Variants in RTKN2 observed in about 807,000 individuals in gnomAD.
RTKN2 encodes the protein rhotekin-2.
Under a neutral mutation model 71.5 loss-of-function variants are expected in RTKN2, and 69 were observed. The ratio of observed to expected loss-of-function variants is 0.96; its 90% CI spans 0.79 to 1.18. The LOEUF (loss-of-function observed/expected upper bound fraction) is 1.18. RTKN2 is among the 50% of genes most tolerant of loss of function. The pLI is 0.00. For missense variants in RTKN2, 724 were observed against 719.7 expected (o/e 1.01, Z -0.07); for synonymous variants, 236 against 236.5 (o/e 1.00, Z 0.02).
chr10:62,212,240 G>A (rs1841677465), intron 9 of RTKN2, among the ~76,000 whole-genome samples: 1 of 151,848 alleles, frequency 6.6e-6, no homozygotes, highest in African/African-American at 2.4e-5. Context: ...ATGGTGGTAG[G>A]TGCCTATAAT....
Position 62,262,779 on chromosome 10 carries a change from G to T in RTKN2, c.103C>A (p.Arg35=), listed in dbSNP as rs201666339. The T allele has an allele frequency of 5.6e-6, 9 of 1,610,150 alleles. No individual in the cohort carries two copies. The Admixed American group carries it at 1.2e-4, about 21-fold the overall frequency. ...GAAAGGAGTTTCCATATTCCTTCTCGCATTCGAATTTCTAAGTCTATTTTT... is the reference window on the plus strand; with the variant it reads ...GAAAGGAGTTTCCATATTCCTTCTCTCATTCGAATTTCTAAGTCTATTTTT... The part of the protein sequence containing the change: ...QEKIDLEIRM[R]EGIWKLLSLS... The change falls in exon 2 of 12, where the codon CGA becomes AGA. Residue 35 remains arginine, a synonymous_variant. Transcript: ENST00000373789.
chr10:62,249,482 GT>G (rs1229010828), intron 2 of RTKN2, among the ~76,000 whole-genome samples: 4 of 151,414 alleles, frequency 2.6e-5, no homozygotes, highest in Admixed American at 6.6e-5. Context: ...GGGGTGGGGC[GT>G]CTACTTTGTT....
rs1207933212 is a variant in RTKN2 at position 62,196,443 on chromosome 10, G to C, written c.*1465C>G. On this transcript the variant is annotated 3_prime_UTR_variant, in exon 12 of 12. Transcript: ENST00000373789. ...GATTCAATTCTTACTAGGAGTCCTG[G>C]GCAAACACAAAAGTGTCCTGGCAGT... The C allele has an allele frequency of 1.0e-6, 1 of 985,098 alleles. No homozygotes were observed. Among genetic ancestry groups the C allele is most frequent in the African/African-American group, 1.7e-5 (1 of 57,170 alleles). 61.0% of individuals were successfully genotyped at this position (985,098 alleles called of 1,614,324 possible).
At chr10:62,184,085 C>T in exon 9 of RTKN2, 1 of 416,696 alleles carries the variant, frequency 2.4e-6, no homozygotes, top group East Asian at 3.9e-5. Flanking sequence ...GTCCAAATAG[C>T]AGACACCTGG....
chr10:62,245,859 A>G (rs956888073), intron 3 of RTKN2, 140 bp downstream of exon 3: 1 of 597,674 alleles, frequency 1.7e-6, no homozygotes, highest in Non-Finnish European at 3.0e-6. Flanking sequence ...AATGCTAAAA[A>G]CAGTGTTTTA....
rs749585158 is a variant in RTKN2, at chr10:62,241,214, G to C, written c.317-19C>G. The C allele has an allele frequency of 1.3e-6, 2 of 1,487,276 alleles. No homozygotes were observed. Among genetic ancestry groups the C allele is most frequent in the South Asian group, 2.4e-5 (2 of 84,874 alleles). The allele number at this position is 1,487,276 out of a possible 1,614,324, so 92.1% of individuals were successfully genotyped here. Reference sequence around the variant, plus strand: ...CGAATATCTATAAAGAAGGGAAAAAGAAATGACAAGTAATAATTTTGGTAA... The same window carrying C: ...CGAATATCTATAAAGAAGGGAAAAACAAATGACAAGTAATAATTTTGGTAA... On this transcript the variant is annotated intron_variant, in intron 3 of 11. Coordinates refer to ENST00000373789, the MANE Select transcript of RTKN2 (RefSeq NM_145307.4).
At chr10:62,256,791 A>G (rs1237904977) in intron 2 of RTKN2, among the ~76,000 whole-genome samples, 1 of 152,146 alleles carries the variant, frequency 6.6e-6, no homozygotes, top group Non-Finnish European at 1.5e-5. Context: ...GAGAATATAC[A>G]TGATGTTGAT....
At chr10:62,200,812 C>T (rs1378783676) in intron 10 of RTKN2, among the ~76,000 whole-genome samples, 1 of 151,768 alleles carries the variant, frequency 6.6e-6, no homozygotes, top group Admixed American at 6.6e-5. Context: ...TCATATCACC[C>T]AATAAAATTC....
Position 62,268,659 on chromosome 10 carries a change from T to G in RTKN2, c.-49A>C. 6.5e-7 allele frequency: 1 copy of G among 1,533,616 alleles called. No homozygotes were observed. The highest frequency in any genetic ancestry group is 8.8e-7 in the Non-Finnish European group (1 of 1,134,844). On this transcript the variant is annotated 5_prime_UTR_variant, in exon 1 of 12. Coordinates refer to ENST00000373789, the MANE Select transcript of RTKN2 (RefSeq NM_145307.4). ...GTCGCCACTCCTTCAAAGGGAAGAT[T>G]TGAAAAGCCCGCCCCTGGCAGGAGC... is the stretch of plus-strand genomic sequence containing the variant.
intron 6 of RTKN2, among the ~76,000 whole-genome samples, chr10:62,227,237 A>T (rs556560469): frequency 1.3e-5 from 2 of 152,110 alleles, no homozygotes; most frequent in Non-Finnish European, 2.9e-5. Context: ...AGAAAAATAG[A>T]TAGAAAAATA....
chr10:62,222,687 C>G (rs1353769994), intron 7 of RTKN2, among the ~76,000 whole-genome samples: 2 of 152,136 alleles, frequency 1.3e-5, no homozygotes, highest in African/African-American at 4.8e-5. Flanking sequence ...GTAAAATAAC[C>G]TGGGAGAGTA....
At chr10:62,212,544 A>C (rs1841685049) in intron 9 of RTKN2, among the ~76,000 whole-genome samples, 1 of 151,896 alleles carries the variant, frequency 6.6e-6, no homozygotes, top group Non-Finnish European at 1.5e-5. Context: ...CTCTACAAAA[A>C]ATACAAAAAT....
At chr10:62,224,028 A>G (rs1564511932) in intron 6 of RTKN2, among the ~76,000 whole-genome samples, 2 of 152,150 alleles carry the variant, frequency 1.3e-5, no homozygotes, top group Non-Finnish European at 2.9e-5. Context: ...AAAAAGAAGA[A>G]AATTCTGACA....
At chr10:62,206,884 T>C (rs1332055343) in intron 9 of RTKN2, among the ~76,000 whole-genome samples, 10 of 151,906 alleles carry the variant, frequency 6.6e-5, no homozygotes, top group Admixed American at 6.6e-4. Flanking sequence ...CACCTAATCA[T>C]CCACTGTAAA....
At chr10:62,223,627 T>A (rs1042980823) in intron 6 of RTKN2, among the ~76,000 whole-genome samples, 27 of 152,198 alleles carry the variant, frequency 1.8e-4, no homozygotes, top group African/African-American at 6.5e-4. Context: ...CAATGAGATA[T>A]CAGTTCACAC....
chr10:62,234,930 G>C (rs1407947650), intron 6 of RTKN2, among the ~76,000 whole-genome samples: 1 of 151,984 alleles, frequency 6.6e-6, no homozygotes, highest in Non-Finnish European at 1.5e-5. Context: ...AAGCTAGTAG[G>C]AAGTACATCT....
In RTKN2 at chr10:62,196,248, T is replaced by C. The variant is rs1841329165; in HGVS notation, c.*1660A>G. The C allele has an allele frequency of 3.1e-6, 3 of 972,750 alleles. No individual in the cohort carries two copies. Among genetic ancestry groups the C allele is most frequent in the Non-Finnish European group, 3.7e-6 (3 of 818,496 alleles). The allele number at this position is 972,750 out of a possible 1,614,324, so 60.3% of individuals were successfully genotyped here. On this transcript the variant is annotated 3_prime_UTR_variant, in exon 12 of 12. Coordinates refer to ENST00000373789, the MANE Select transcript of RTKN2 (RefSeq NM_145307.4). ...TGAAATGGCAATCATAACAGAAACT[T>C]ATGAGAGCCTTCTAGTTAGAAAAAA...
Position 62,198,133 on chromosome 10 carries a change from T to A in RTKN2, c.1605A>T (p.Val535=). 6.2e-7 allele frequency: 1 copy of A among 1,614,214 alleles called. No individual in the cohort carries two copies. Among genetic ancestry groups the A allele is most frequent in the South Asian group, 1.1e-5 (1 of 91,090 alleles). ...TGGTATCCAAAGACGATGTCTGAGA[T>A]ACACTTGTTTTTCCCCAGTTGTCCT... The part of the protein sequence containing the change: ...LVKDNWGKTS[V]SQTSSLDTKL... The change falls in exon 12 of 12, where the codon GTA becomes GTT. Residue 535 remains valine, a synonymous_variant. Transcript: ENST00000373789.
chr10:62,246,186 G>T, intron 2 of RTKN2, 129 bp from the exon 3 acceptor site: 1 of 600,364 alleles, frequency 1.7e-6, no homozygotes, highest in Admixed American at 3.4e-5. Flanking sequence ...TCCAGTTAAT[G>T]TAAACTATTT....
Sources: allele counts gnomAD v4.1 joint callset (sites outside exome capture counted in the v4.1 genomes callset), GRCh38; gene constraint gnomAD v4.1.1; transcripts MANE v1.5; gene names NCBI Gene and HGNC (gene_info 2026-07-23, HGNC 2026-07-21).